FLT3: variants seen among roughly 807,000 people sequenced by gnomAD.
FLT3 encodes receptor-type tyrosine-protein kinase FLT3.
FLT3 carries 46 observed loss-of-function variants against 126.6 expected under a neutral mutation model. That is an observed-to-expected ratio of 0.36 (90% CI 0.29 to 0.46). The LOEUF is 0.46. Ranked by LOEUF, FLT3 falls within the 20% of genes least tolerant of loss-of-function variation. The probability of loss-of-function intolerance (pLI) is 1.00; values close to 1 mark genes in which losing one functional copy is unlikely to be tolerated. For synonymous variants in FLT3, 404 were observed against 434.4 expected (o/e 0.93, Z 0.87); for missense variants, 1,069 against 1,190.3 (o/e 0.90, Z 1.50).
At position 28,030,602 on chromosome 13, in the gene FLT3, C is replaced by A. The variant is rs2491220; in HGVS notation, c.1943-2314G>T. On this transcript the variant is annotated intron_variant, in intron 15 of 23. Transcript: ENST00000241453. ...GCAGGCAAGACGTGGGTCCCCGCGC[C>A]TCTAATCCCAACATCTTGGGAGGCT... Among the ~76,000 whole-genome samples, 50 of 151,978 alleles carry A rather than the reference C, an allele frequency of 3.3e-4. No individual in the cohort carries two copies. In the South Asian group the frequency reaches 5.2e-3, roughly 16 times the overall value.
chr13:28,046,747 C>G (rs914502767), intron 9 of FLT3, among the ~76,000 whole-genome samples: 22 of 152,040 alleles, frequency 1.4e-4, no homozygotes, highest in Middle Eastern at 3.4e-3. Flanking sequence ...AGGTGTACAC[C>G]ACCACACTCA....
chr13:28,093,087 A>G (rs1879227153), intron 1 of FLT3, among the ~76,000 whole-genome samples: 1 of 151,664 alleles, frequency 6.6e-6, no homozygotes, highest in South Asian at 2.1e-4. Context: ...ACATCTGGCT[A>G]ACTTTTTTTG....
intron 19 of FLT3, among the ~76,000 whole-genome samples, chr13:28,021,944 G>A (rs12872232): frequency 0.91 from 138,082 of 151,798 alleles, 63,394 homozygotes; most frequent in Non-Finnish European, 0.97. Flanking sequence ...TCACCGTGTT[G>A]GCCAGGATGG....
intron 1 of FLT3, among the ~76,000 whole-genome samples, chr13:28,088,517 A>C (rs1878827063): frequency 6.7e-6 from 1 of 150,008 alleles, no homozygotes; most frequent in Non-Finnish European, 1.5e-5. Context: ...TGAACTGCTG[A>C]CCTCAGGTGA....
intron 9 of FLT3, among the ~76,000 whole-genome samples, chr13:28,041,268 G>A (rs948671331): frequency 7.2e-5 from 11 of 152,110 alleles, no homozygotes; most frequent in African/African-American, 2.7e-4. Context: ...AAGAGAGAAA[G>A]TGTAATTCTC....
At chr13:28,009,444 A>G (rs2481955) in intron 23 of FLT3, 97,441 of 152,038 alleles carry the variant, frequency 0.64, 32,601 homozygotes, top group Admixed American at 0.74. Context: ...TTCCCTCTGC[A>G]GTGCAATTTT....
chr13:28,071,639 A>T (rs1251633501), intron 1 of FLT3, among the ~76,000 whole-genome samples: 1 of 152,034 alleles, frequency 6.6e-6, no homozygotes, highest in East Asian at 1.9e-4. Context: ...CTTGTGGCTC[A>T]ATCTCTGTAG....
intron 3 of FLT3, among the ~76,000 whole-genome samples, chr13:28,058,220 C>CAA (rs58082646): frequency 0.061 from 7,738 of 127,340 alleles, 294 homozygotes; most frequent in East Asian, 0.11. Flanking sequence ...AAAAAAAAAA[C>CAA]AAAAAAAAAA....
chr13:28,012,388 C>G (rs1439728105), intron 23 of FLT3, among the ~76,000 whole-genome samples: 2 of 152,164 alleles, frequency 1.3e-5, no homozygotes, highest in Admixed American at 6.5e-5. Flanking sequence ...GGTCCTGAAG[C>G]CTCCATCCTG....
At chr13:28,016,250 C>A (rs191831344) in intron 20 of FLT3, among the ~76,000 whole-genome samples, 1 of 150,920 alleles carries the variant, frequency 6.6e-6, no homozygotes, top group African/African-American at 2.4e-5. Context: ...GTTACTGGGG[C>A]AGAGCTTTGT....
chr13:28,037,781 A>T (rs1841699247), intron 9 of FLT3, among the ~76,000 whole-genome samples: 1 of 152,192 alleles, frequency 6.6e-6, no homozygotes, highest in Non-Finnish European at 1.5e-5. Flanking sequence ...GCAGGAAGTG[A>T]GCAGCAGGCA....
intron 19 of FLT3, among the ~76,000 whole-genome samples, chr13:28,022,927 G>A (rs895704255): frequency 1.3e-5 from 2 of 152,236 alleles, no homozygotes; most frequent in African/African-American, 4.8e-5. Flanking sequence ...CACGCAGGGT[G>A]AGAATTAGAC....
intron 19 of FLT3, among the ~76,000 whole-genome samples, chr13:28,021,706 C>T (rs776419779): frequency 2.6e-5 from 4 of 151,852 alleles, no homozygotes; most frequent in African/African-American, 7.3e-5. Context: ...GGATTACAGA[C>T]GTACACCACT....
chr13:28,035,277 C>A (rs1873727715), intron 12 of FLT3, among the ~76,000 whole-genome samples: 2 of 152,166 alleles, frequency 1.3e-5, no homozygotes, highest in Admixed American at 1.3e-4. Context: ...TCTGCTTCTC[C>A]CGGTCACTGT....
At chr13:28,057,259 G>A in intron 4 of FLT3, 88 bp downstream of exon 4, 1 of 738,356 alleles carries the variant, frequency 1.4e-6, no homozygotes, top group Non-Finnish European at 2.5e-6. Context: ...TATGTCTAGA[G>A]GAGCTGGTCA....
rs1879496086 is a variant in FLT3, at chr13:28,097,003, G to T, written c.43+3465C>A. Among the ~76,000 whole-genome samples, 6 of 152,082 alleles carry T rather than the reference G, an allele frequency of 3.9e-5. No homozygotes were observed. The South Asian group carries it at 1.2e-3, about 31-fold the overall frequency. On this transcript the variant is annotated intron_variant, in intron 1 of 23. Transcript: ENST00000241453. ...CTTTGGGAGGATCACTTGAGCCCAG[G>T]AGTTCAAGATTAGCCTGAGCAATAC...
intron 9 of FLT3, among the ~76,000 whole-genome samples, chr13:28,042,652 G>A (rs1371730078): frequency 6.6e-6 from 1 of 152,134 alleles, no homozygotes; most frequent in Non-Finnish European, 1.5e-5. Context: ...AGAGCTCAAA[G>A]AAGGATCTTT....
Position 28,018,548 on chromosome 13 carries a change from G to T in FLT3, c.2460C>A (p.Thr820=), listed in dbSNP as rs2137623713. Residue 820 remains threonine (T), a synonymous_variant, in exon 20 of 24, where the codon ACC becomes ACA. Transcript: ENST00000241453. The part of the protein sequence containing the change: ...RDLAARNVLV[T]HGKVVKICDF... ...CACATATCTTCACCACTTTCCCGTG[G>T]GTGACAAGCACGTTCCTGGCGGCCA... 6.2e-7 allele frequency: 1 copy of T among 1,614,068 alleles called. No individual in the cohort carries two copies.
intron 1 of FLT3, among the ~76,000 whole-genome samples, chr13:28,088,326 T>G (rs888341229): frequency 2.0e-5 from 3 of 152,102 alleles, no homozygotes; most frequent in Admixed American, 6.6e-5. Context: ...CTCACTCTGT[T>G]GCCCAGGCTG....
Sources: gnomAD v4.1 joint callset for allele counts (sites outside exome capture counted in the v4.1 genomes callset) on GRCh38, gnomAD v4.1.1 for gene constraint, MANE v1.5 for transcripts, NCBI Gene and HGNC (gene_info 2026-07-23, HGNC 2026-07-21) for gene names.